SPRY3: variants seen among roughly 807,000 people sequenced by gnomAD.
The protein encoded by SPRY3 is sprouty RTK signaling antagonist 3.
A neutral mutation model predicts 20.2 loss-of-function variants in SPRY3; 15 were observed. The ratio of observed to expected loss-of-function variants is 0.74; its 90% CI spans 0.50 to 1.14. The LOEUF (loss-of-function observed/expected upper bound fraction) is 1.14. Among genes scored for constraint, SPRY3 ranks in the 50% most tolerant of loss-of-function variants. The pLI, the probability that SPRY3 is intolerant of heterozygous loss-of-function variation, is 0.00. For synonymous variants in SPRY3, 143 were observed against 136.5 expected, an observed-to-expected ratio of 1.05 and a Z score of -0.33; for missense variants, 364 against 363.9, an observed-to-expected ratio of 1.00 and a Z score of 0.00.
intron 1 of SPRY3, among the ~76,000 whole-genome samples, chrX:155,630,011 A>C (rs73579158): frequency 1.3e-3 from 145 of 111,589 alleles, no homozygotes; most frequent in African/African-American, 4.6e-3. Flanking sequence ...TCATTCTGTT[A>C]GGCTTACAAA....
intron 2 of SPRY3, among the ~76,000 whole-genome samples, chrX:155,737,135 T>G (rs1237952977): frequency 6.6e-6 from 1 of 152,190 alleles, no homozygotes; most frequent in African/African-American, 2.4e-5. Flanking sequence ...CTTAACATAT[T>G]AGTTATACCT....
chrX:155,646,653 T>G (rs1305536087), intron 1 of SPRY3, among the ~76,000 whole-genome samples: 4 of 112,049 alleles, frequency 3.6e-5, no homozygotes, highest in Non-Finnish European at 7.5e-5. Flanking sequence ...TCCTGCAACT[T>G]TACTTAATTT....
Position 155,647,020 on chromosome X carries a change from A to C in SPRY3, c.-440-9847A>C, listed in dbSNP as rs782118753. 8.1e-5 allele frequency among the ~76,000 whole-genome samples: 9 copies of C among 111,666 alleles called. No homozygotes were observed. The South Asian group carries it at 3.4e-3, about 42-fold the overall frequency. ...TCATGAAGGAGTGTGGAATTTTGTC[A>C]AGTGCTTTTTCTGCCTCTGTTGAGA... is the stretch of plus-strand genomic sequence containing the variant. On this transcript the variant is annotated intron_variant, in intron 1 of 3. Transcript: ENST00000675360.
At chrX:155,711,825 G>A (rs765352005) in intron 2 of SPRY3, among the ~76,000 whole-genome samples, 1 of 149,908 alleles carries the variant, frequency 6.7e-6, no homozygotes, top group South Asian at 2.1e-4. Context: ...CTTCTTTTTT[G>A]TTGTAGGGAC....
chrX:155,767,704 GAAGA>G (rs2091344313), intron 2 of SPRY3: 1 of 131,984 alleles, frequency 7.6e-6, no homozygotes, highest in African/African-American at 2.7e-5. Flanking sequence ...GGAGGAGAAA[GAAGA>G]GGAGGAGGAG....
At chrX:155,691,223 T>C (rs963676002) in intron 2 of SPRY3, among the ~76,000 whole-genome samples, 1 of 87,510 alleles carries the variant, frequency 1.1e-5, no homozygotes, top group Admixed American at 1.2e-4. Flanking sequence ...CCGCAAAATA[T>C]TTCACTTTTA....
chrX:155,718,498 T>A (rs1474593036), intron 2 of SPRY3, among the ~76,000 whole-genome samples: 1 of 152,120 alleles, frequency 6.6e-6, no homozygotes, highest in Non-Finnish European at 1.5e-5. Context: ...GAAACATACC[T>A]GTATGCCTGT....
intron 2 of SPRY3, among the ~76,000 whole-genome samples, chrX:155,728,126 G>C (rs2091111097): frequency 6.6e-6 from 1 of 152,140 alleles, no homozygotes; most frequent in South Asian, 2.1e-4. Context: ...ACCAGTGGAG[G>C]CTGCAGAACA....
At chrX:155,774,486 C>T (rs368582313) in exon 4 of SPRY3, 1 of 1,613,878 alleles carries the variant, frequency 6.2e-7, no homozygotes, top group Non-Finnish European at 8.5e-7. Context: ...ATGAAGACAA[C>T]TGTGCTGATG....
chrX:155,659,135 CTTTCTT>C (rs1557353349), intron 2 of SPRY3, among the ~76,000 whole-genome samples: 1 of 101,030 alleles, frequency 9.9e-6, no homozygotes. Context: ...TTCTTTCTTT[CTTTCTT>C]TCTTTCTTTC....
intron 2 of SPRY3, among the ~76,000 whole-genome samples, chrX:155,671,985 T>A (rs1193556483): frequency 2.7e-5 from 3 of 111,157 alleles, no homozygotes; most frequent in African/African-American, 9.8e-5. Context: ...CTGAGGGCTG[T>A]GTTCTGTTCC....
In SPRY3 at chrX:155,773,888, CAG is replaced by C; in HGVS notation, c.19_20del (p.Asp7Ter). The C allele has an allele frequency of 6.2e-7, 1 of 1,613,688 alleles. No individual in the cohort carries two copies. Among genetic ancestry groups the C allele is most frequent in the Non-Finnish European group, 8.5e-7 (1 of 1,179,672 alleles). On this transcript the variant is annotated frameshift_variant, in exon 4 of 4. Coordinates refer to ENST00000675360, the Ensembl canonical transcript of SPRY3. LOFTEE classifies it high-confidence loss of function. ...CAAGGCAAAATGGATGCTGCGGTGA[CAG>C]ATGATTTTCAACAAATTCTGCCTAT...
At chrX:155,774,119 G>A (rs1023909456) in exon 4 of SPRY3, 1 of 1,613,976 alleles carries the variant, frequency 6.2e-7, no homozygotes, top group Non-Finnish European at 8.5e-7. Flanking sequence ...AGCCAATCTA[G>A]CATTGCCAGC....
downstream of SPRY3, chrX:155,778,733 AAG>A (rs1440130355): frequency 6.0e-6 from 1 of 167,098 alleles, no homozygotes; most frequent in Non-Finnish European, 1.5e-5. Context: ...AGGACCCTTA[AAG>A]AACATCTAGT....
intron 2 of SPRY3, among the ~76,000 whole-genome samples, chrX:155,751,933 TAAAATAAAATAAAATA>T (rs1352898595): frequency 7.1e-5 from 2 of 28,254 alleles, no homozygotes; most frequent in African/African-American, 6.9e-4. Flanking sequence ...GGAAATAAAA[TAAAATAAAATAAAATA>T]AAATAAAATA....
At chrX:155,624,475 A>T (rs953552454) in intron 1 of SPRY3, among the ~76,000 whole-genome samples, 1 of 110,741 alleles carries the variant, frequency 9.0e-6, no homozygotes, top group East Asian at 2.8e-4. Flanking sequence ...ACCTATCTGT[A>T]TCTATATAAT....
intron 3 of SPRY3, among the ~76,000 whole-genome samples, chrX:155,772,671 G>A (rs2091388073): frequency 6.6e-6 from 1 of 151,866 alleles, no homozygotes; most frequent in Non-Finnish European, 1.5e-5. Flanking sequence ...TTTCCCCATG[G>A]TCATCATTAT....
chrX:155,774,389 G>A (rs199902951), exon 4 of SPRY3: 22 of 1,613,892 alleles, frequency 1.4e-5, no homozygotes, highest in African/African-American at 8.0e-5. Flanking sequence ...TGCAACCAGC[G>A]CTGCCTTTGC....
intron 2 of SPRY3, among the ~76,000 whole-genome samples, chrX:155,721,914 T>C (rs2091061395): frequency 6.6e-6 from 1 of 152,024 alleles, no homozygotes; most frequent in Non-Finnish European, 1.5e-5. Flanking sequence ...ACACAGAATA[T>C]TATAACACTG....
Sources: gnomAD v4.1 joint callset for allele counts (sites outside exome capture counted in the v4.1 genomes callset) on GRCh38, gnomAD v4.1.1 for gene constraint, MANE v1.5 for transcripts, NCBI Gene and HGNC (gene_info 2026-07-23, HGNC 2026-07-21) for gene names.